The following F5 variants were observed in gnomAD, a reference collection of about 807,000 sequenced individuals.
F5 encodes coagulation factor V, also known as activated protein c cofactor.
Under a neutral mutation model 216.4 loss-of-function variants are expected in F5, and 138 were observed. That is an observed-to-expected ratio of 0.64 (90% CI 0.56 to 0.73). The LOEUF (loss-of-function observed/expected upper bound fraction) is 0.73, where lower values mean the gene tolerates loss of function less well. Among genes scored for constraint, F5 ranks in the 30% least tolerant of loss-of-function variants. F5 has a pLI of 0.00. For missense variants in F5, 2,403 were observed against 2,674.0 expected (o/e 0.90, Z 2.24); for synonymous variants, 916 against 930.7 (o/e 0.98, Z 0.29).
rs201865717 is a variant in F5, at chr1:169,556,813, G to C, written c.785C>G (p.Ser262Trp). 19 of 1,614,040 alleles carry C rather than the reference G, an allele frequency of 1.2e-5. No individual in the cohort carries two copies. Among genetic ancestry groups the C allele is most frequent in the Non-Finnish European group, 1.6e-5 (19 of 1,179,990 alleles). The change falls in exon 6 of 25, where the codon TCG becomes TGG. Residue 262 changes from serine (S) to tryptophan (W), a missense_variant. Ser to Trp is a radical substitution (Grantham distance 177). Around this residue, in one of 4 missense-constraint regions of F5, gnomAD observed 1,425 missense variants for 1,554.8 expected, o/e 0.92. Coordinates refer to ENST00000367797, the MANE Select transcript of F5 (RefSeq NM_000130.5). Reference sequence around the variant, plus strand: ...ATGAATGGAGAATAATTCTGGCCCCGAGCTCATTCCCAGCAGATGCCAGCT... The same window carrying C: ...ATGAATGGAGAATAATTCTGGCCCCCAGCTCATTCCCAGCAGATGCCAGCT... Reference protein sequence around the residue: ...HISWHLLGMSSGPELFSIHFN... With the variant: ...HISWHLLGMSWGPELFSIHFN...
intron 7 of F5, among the ~76,000 whole-genome samples, chr1:169,553,222 C>G (rs980396197): frequency 2.0e-5 from 3 of 152,192 alleles, no homozygotes; most frequent in Non-Finnish European, 4.4e-5. Flanking sequence ...CTAGCCAATT[C>G]TCTGAGCTGA....
chr1:169,584,094 CT>C (rs1197578097), intron 1 of F5, among the ~76,000 whole-genome samples: 3 of 152,178 alleles, frequency 2.0e-5, no homozygotes, highest in African/African-American at 7.2e-5. Context: ...TTGTCCTCCC[CT>C]GCCCCAGATC....
chr1:169,542,052 T>A lies in F5; in HGVS notation c.3038A>T (p.Gln1013Leu). Residue 1013 changes from glutamine (Q) to leucine (L), a missense_variant, in exon 13 of 25, where the codon CAG (glutamine) becomes CTG (leucine). Gln to Leu is a moderately radical substitution (Grantham distance 113). Around this residue, in one of 4 missense-constraint regions of F5, gnomAD observed 1,425 missense variants for 1,554.8 expected, o/e 0.92. Transcript: ENST00000367797. ...CTTCAGTCTACTCTTTCCTCCATCC[T>A]GTCTTACTTGTAGAGATTTATGTCT... ...RVRHKSLQVRQDGGKSRLKKS... is the reference protein window; with the variant it reads ...RVRHKSLQVRLDGGKSRLKKS... 6.2e-7 allele frequency: 1 copy of A among 1,614,138 alleles called. No homozygotes were observed. The highest frequency in any genetic ancestry group is 8.5e-7 in the Non-Finnish European group (1 of 1,180,006).
chr1:169,535,068 T>G (rs1421719102), intron 14 of F5, among the ~76,000 whole-genome samples: 1 of 152,128 alleles, frequency 6.6e-6, no homozygotes, highest in East Asian at 1.9e-4. Flanking sequence ...TGAAAAACTA[T>G]TGGGTACTAT....
chr1:169,527,161 G>A (rs1332326783), intron 17 of F5, among the ~76,000 whole-genome samples: 1 of 152,112 alleles, frequency 6.6e-6, no homozygotes, highest in African/African-American at 2.4e-5. Flanking sequence ...AAAATAGAAG[G>A]AAGGCTGCTT....
intron 13 of F5, among the ~76,000 whole-genome samples, chr1:169,538,148 T>TA (rs34635043): frequency 2.0e-5 from 3 of 151,774 alleles, no homozygotes; most frequent in African/African-American, 4.8e-5. Flanking sequence ...ATTTAGCATT[T>TA]AAAAAAAAGA....
intron 21 of F5, among the ~76,000 whole-genome samples, chr1:169,520,950 C>T (rs537575359): frequency 1.2e-4 from 18 of 152,120 alleles, no homozygotes; most frequent in East Asian, 3.9e-4. Context: ...CTAGGGTTCT[C>T]GGAAGGAACA....
chr1:169,521,110 C>A (rs939832642), intron 21 of F5, among the ~76,000 whole-genome samples: 2 of 152,136 alleles, frequency 1.3e-5, no homozygotes, highest in African/African-American at 2.4e-5. Flanking sequence ...CAGTAAAGGG[C>A]AGCATAGCGA....
At position 169,521,310 on chromosome 1, in the gene F5, G is replaced by A. The variant is rs1264260160; in HGVS notation, c.6049-646C>T. Among the ~76,000 whole-genome samples, 2 of 152,246 alleles carry A rather than the reference G, an allele frequency of 1.3e-5. 1 individual carries two copies. Among genetic ancestry groups the A allele is most frequent in the South Asian group, 4.1e-4 (2 of 4,830 alleles). Reference sequence around the variant, plus strand: ...TCAGAAAAGGCCATGTAGGGATTTAGGGCTTTCATCTCCAGCCCCTAATGA... The same window carrying A: ...TCAGAAAAGGCCATGTAGGGATTTAAGGCTTTCATCTCCAGCCCCTAATGA... On this transcript the variant is annotated intron_variant, in intron 21 of 24. Transcript: ENST00000367797.
Position 169,518,412 on chromosome 1 carries a change from C to T in F5, c.6345G>A (p.Lys2115=), listed in dbSNP as rs775340722. ...AQGRVNAWQA[K]ANNNKQWLEI... is the part of the protein sequence containing the mutation. ...ACACCATGCATAGAGTATACTTGAC[C>T]TTGGCTTGCCAGGCATTCACACGTC... Residue 2115 remains lysine (K), a splice_region_variant and synonymous_variant, in exon 23 of 25, where the codon AAG becomes AAA. Coordinates refer to ENST00000367797, the MANE Select transcript of F5 (RefSeq NM_000130.5). 1 of 1,613,610 alleles carries T rather than the reference C, an allele frequency of 6.2e-7. No individual in the cohort carries two copies. The highest frequency in any genetic ancestry group is 1.7e-5 in the Admixed American group (1 of 59,990).
intron 7 of F5, among the ~76,000 whole-genome samples, chr1:169,554,307 G>A (rs564589592): frequency 2.0e-5 from 3 of 152,196 alleles, no homozygotes; most frequent in South Asian, 2.1e-4. Flanking sequence ...ATGTATACAC[G>A]CTATACTACA....
chr1:169,550,492 GA>G, intron 9 of F5, 147 bp downstream of exon 9: 1 of 694,606 alleles, frequency 1.4e-6, no homozygotes, highest in South Asian at 1.6e-5. Flanking sequence ...CCTGAAGTGA[GA>G]AGGGTTTGGC....
At chr1:169,571,021 A>G (rs1660709734) in intron 3 of F5, among the ~76,000 whole-genome samples, 1 of 149,450 alleles carries the variant, frequency 6.7e-6, no homozygotes, top group South Asian at 2.2e-4. Flanking sequence ...TCTCAAAGGT[A>G]TGATGGCTGG....
At chr1:169,559,371 GT>G in intron 4 of F5, 75 bp from the exon 5 acceptor site, 1 of 1,456,158 alleles carries the variant, frequency 6.9e-7, no homozygotes, top group Non-Finnish European at 9.6e-7. Flanking sequence ...ATAGCAAAGA[GT>G]TTAGGGCAAG....
rs1278612166 is a variant in F5, at chr1:169,582,494, T to C, written c.187A>G (p.Lys63Glu). Reference sequence around the variant, plus strand: ...GGTTCATACTCTCTGTAGACAATTTTCTTAAAGGAAGTTACAGAAAGATTC... The same window carrying C: ...GGTTCATACTCTCTGTAGACAATTTCCTTAAAGGAAGTTACAGAAAGATTC... ...SLNLSVTSFK[K>E]IVYREYEPYF... Residue 63 changes from lysine to glutamate, a missense_variant, in exon 2 of 25, where the codon AAA becomes GAA. Physicochemically the swap from Lys to Glu is moderately conservative, Grantham distance 56. Coordinates refer to ENST00000367797, the MANE Select transcript of F5 (RefSeq NM_000130.5). 8 of 1,558,846 alleles carry C rather than the reference T, an allele frequency of 5.1e-6. No homozygotes were observed. Among genetic ancestry groups the C allele is most frequent in the Non-Finnish European group, 7.1e-6 (8 of 1,133,612 alleles).
intron 13 of F5, among the ~76,000 whole-genome samples, chr1:169,537,489 G>A (rs1659733305): frequency 6.6e-6 from 1 of 152,000 alleles, no homozygotes; most frequent in Admixed American, 6.6e-5. Context: ...TAGACAAATG[G>A]GATTGCCATC....
chr1:169,566,929 T>C (rs2213869), intron 3 of F5, among the ~76,000 whole-genome samples: 46,114 of 151,830 alleles, frequency 0.3, 8,952 homozygotes, highest in East Asian at 0.65. Context: ...TAAGTGTGCT[T>C]GAGTTCTGGT....
intron 14 of F5, among the ~76,000 whole-genome samples, chr1:169,533,662 C>T (rs980891702): frequency 6.6e-6 from 1 of 152,090 alleles, no homozygotes; most frequent in Non-Finnish European, 1.5e-5. Flanking sequence ...CATCACTAAT[C>T]ATCAGAGAAA....
Position 169,569,061 on chromosome 1 carries a change from A to G in F5, c.373+3160T>C, listed in dbSNP as rs1315436756. Among the ~76,000 whole-genome samples, 5 of 152,084 alleles carry G rather than the reference A, an allele frequency of 3.3e-5. No individual in the cohort carries two copies. The East Asian group carries it at 9.6e-4, about 29-fold the overall frequency. Reference sequence around the variant, plus strand: ...ACAGGACTTGCAAGTCTCTTTGGAAAAGGGATCCACATTTTTGTGATTTAT... The same window carrying G: ...ACAGGACTTGCAAGTCTCTTTGGAAGAGGGATCCACATTTTTGTGATTTAT... On this transcript the variant is annotated intron_variant, in intron 3 of 24. Coordinates refer to ENST00000367797, the MANE Select transcript of F5 (RefSeq NM_000130.5).
Sources: gnomAD v4.1 joint callset for allele counts (sites outside exome capture counted in the v4.1 genomes callset) on GRCh38, gnomAD v4.1.1 for gene constraint, gnomAD v4.1.1 regional missense constraint, MANE v1.5 for transcripts, NCBI Gene and HGNC (gene_info 2026-07-23, HGNC 2026-07-21) for gene names.